ASIC2: variants seen among roughly 807,000 people sequenced by gnomAD.
The protein encoded by ASIC2 is acid-sensing ion channel 2.
A neutral mutation model predicts 57.3 loss-of-function variants in ASIC2; 25 were observed. The observed-to-expected ratio is 0.44, with a 90% confidence interval of 0.32 to 0.61. The LOEUF is 0.61. Among genes scored for constraint, ASIC2 ranks in the 20% least tolerant of loss-of-function variants. The pLI is 0.06. For synonymous variants in ASIC2, 319 were observed against 307.5 expected (o/e 1.04, Z -0.39); for missense variants, 641 against 738.1 (o/e 0.87, Z 1.52).
At chr17:33,635,219 A>G (rs761049848) in intron 1 of ASIC2, among the ~76,000 whole-genome samples, 1 of 152,202 alleles carries the variant, frequency 6.6e-6, no homozygotes, top group African/African-American at 2.4e-5. Context: ...CAATTGCTGT[A>G]TTTGTGGGTC....
intron 1 of ASIC2, among the ~76,000 whole-genome samples, chr17:33,765,332 C>A (rs1187650304): frequency 2.6e-5 from 4 of 152,026 alleles, no homozygotes; most frequent in Non-Finnish European, 5.9e-5. Flanking sequence ...ATGGTCTCGA[C>A]CTCCTGACCT....
intron 1 of ASIC2, among the ~76,000 whole-genome samples, chr17:33,418,024 ATGTATGTGTGTGTGTGTGTGTGTG>A (rs1415483293): frequency 2.3e-4 from 25 of 110,236 alleles, no homozygotes; most frequent in African/African-American, 3.4e-4. Flanking sequence ...CTCAGCATGT[ATGTATGTGTGTGTGTGTGTGTGTG>A]TGTGTGTGTG....
At chr17:33,787,386 A>G (rs1419203231) in intron 1 of ASIC2, among the ~76,000 whole-genome samples, 24 of 152,258 alleles carry the variant, frequency 1.6e-4, no homozygotes, top group Admixed American at 1.6e-3. Context: ...CCAGGAGGGA[A>G]GATGGAATAT....
chr17:33,785,478 C>T (rs1911575762), intron 1 of ASIC2, among the ~76,000 whole-genome samples: 1 of 152,138 alleles, frequency 6.6e-6, no homozygotes, highest in Non-Finnish European at 1.5e-5. Flanking sequence ...ATAATCTTCC[C>T]AAGTCATGGC....
At chr17:33,236,033 C>T (rs1405924790) in intron 1 of ASIC2, among the ~76,000 whole-genome samples, 2 of 152,076 alleles carry the variant, frequency 1.3e-5, no homozygotes, top group Non-Finnish European at 2.9e-5. Flanking sequence ...GACAGGGTTT[C>T]ACCACGTTGG....
chr17:33,604,607 G>A (rs1469514034), intron 1 of ASIC2, among the ~76,000 whole-genome samples: 1 of 152,158 alleles, frequency 6.6e-6, no homozygotes, highest in Non-Finnish European at 1.5e-5. Flanking sequence ...TCCACCTGAG[G>A]GGTGGAGTGA....
At chr17:33,743,208 C>T (rs1910159933) in intron 1 of ASIC2, among the ~76,000 whole-genome samples, 1 of 152,228 alleles carries the variant, frequency 6.6e-6, no homozygotes, top group Admixed American at 6.5e-5. Context: ...TTTAAAGTCT[C>T]TGGAAATTGT....
intron 1 of ASIC2, among the ~76,000 whole-genome samples, chr17:33,829,147 G>A (rs1017276052): frequency 6.6e-6 from 1 of 152,148 alleles, no homozygotes; most frequent in African/African-American, 2.4e-5. Context: ...CTGAGAAAGA[G>A]ACCCCACCTG....
chr17:33,980,355 G>T (rs1905568710), intron 1 of ASIC2, among the ~76,000 whole-genome samples: 1 of 152,128 alleles, frequency 6.6e-6, no homozygotes, highest in Non-Finnish European at 1.5e-5. Flanking sequence ...ACTTGACCAG[G>T]ATCAAAGAAC....
At chr17:33,380,865 T>C (rs1036655812) in intron 1 of ASIC2, among the ~76,000 whole-genome samples, 8 of 152,312 alleles carry the variant, frequency 5.3e-5, no homozygotes, top group African/African-American at 1.9e-4. Flanking sequence ...AGTCTCTCTG[T>C]GTGAAATCAA....
chr17:33,571,531 A>G (rs752403859), intron 1 of ASIC2, among the ~76,000 whole-genome samples: 3 of 152,192 alleles, frequency 2.0e-5, no homozygotes, highest in Non-Finnish European at 4.4e-5. Flanking sequence ...CCCCTCTCCC[A>G]GCTCCTGTCA....
chr17:33,173,849 A>G (rs1011274735), intron 1 of ASIC2, among the ~76,000 whole-genome samples: 10 of 152,200 alleles, frequency 6.6e-5, no homozygotes. Context: ...CAAAGTAAGG[A>G]CACAATCGAA....
chr17:33,122,715 C>A (rs1236490378), intron 1 of ASIC2, among the ~76,000 whole-genome samples: 1 of 152,058 alleles, frequency 6.6e-6, no homozygotes, highest in Non-Finnish European at 1.5e-5. Flanking sequence ...TTGAAATATA[C>A]ACTCTTATTA....
At chr17:33,608,478 G>C (rs900124510) in intron 1 of ASIC2, among the ~76,000 whole-genome samples, 1 of 152,098 alleles carries the variant, frequency 6.6e-6, no homozygotes, top group African/African-American at 2.4e-5. Flanking sequence ...ATTTTTAACT[G>C]GGTGAACTCA....
At chr17:34,068,353 A>C (rs1382260897) in intron 1 of ASIC2, among the ~76,000 whole-genome samples, 1 of 152,180 alleles carries the variant, frequency 6.6e-6, no homozygotes, top group Non-Finnish European at 1.5e-5. Flanking sequence ...TGCTAATAGA[A>C]AACTCATAGG....
chr17:33,519,041 C>T (rs531786951), intron 1 of ASIC2, among the ~76,000 whole-genome samples: 5 of 152,026 alleles, frequency 3.3e-5, no homozygotes, highest in South Asian at 2.1e-4. Context: ...AGGATGGTCT[C>T]GATCTCCTGA....
At chr17:33,280,026 A>C (rs16968208) in intron 1 of ASIC2, among the ~76,000 whole-genome samples, 1 of 152,102 alleles carries the variant, frequency 6.6e-6, no homozygotes, top group Admixed American at 6.5e-5. Flanking sequence ...TCTCAGCTAC[A>C]TCATTTATTA....
intron 1 of ASIC2, among the ~76,000 whole-genome samples, chr17:33,434,504 C>T (rs76486745): frequency 6.6e-6 from 1 of 152,076 alleles, no homozygotes; most frequent in African/African-American, 2.4e-5. Context: ...TAGGTTATTA[C>T]CAGACTTTTT....
At chr17:33,453,521 C>T (rs1287728870) in intron 1 of ASIC2, among the ~76,000 whole-genome samples, 8 of 152,038 alleles carry the variant, frequency 5.3e-5, no homozygotes, top group Non-Finnish European at 1.5e-5. Context: ...AGAGTGTGTA[C>T]CTGCAAGAAC....
Sources: gnomAD v4.1 joint callset for allele counts (sites outside exome capture counted in the v4.1 genomes callset) on GRCh38, gnomAD v4.1.1 for gene constraint, MANE v1.5 for transcripts, NCBI Gene and HGNC (gene_info 2026-07-23, HGNC 2026-07-21) for gene names.